NTMT1: variants seen among roughly 807,000 people sequenced by gnomAD.
NTMT1 encodes N-terminal Xaa-Pro-Lys N-methyltransferase 1, also known as N-terminal RCC1 methyltransferase.
Under a neutral mutation model 17.5 loss-of-function variants are expected in NTMT1, and 8 were observed. The ratio of observed to expected loss-of-function variants is 0.46; its 90% CI spans 0.27 to 0.82. The LOEUF (loss-of-function observed/expected upper bound fraction) is 0.82, where lower values mean the gene tolerates loss of function less well. Among genes scored for constraint, NTMT1 ranks in the 40% least tolerant of loss-of-function variants. The pLI is 0.15. For synonymous variants in NTMT1, 128 were observed against 126.8 expected, an observed-to-expected ratio of 1.01 and a Z score of -0.06; for missense variants, 221 against 303.5, an observed-to-expected ratio of 0.73 and a Z score of 2.02.
At chr9:129,624,788 C>T (rs1830841429), upstream of NTMT1, among the ~76,000 whole-genome samples, 1 of 152,182 alleles carries the variant, frequency 6.6e-6, no homozygotes, top group Non-Finnish European at 1.5e-5. Context: ...ACCACCATCC[C>T]TGGCTAATTT....
At chr9:129,612,967 G>A in intron 1 of NTMT1, 3 of 1,087,638 alleles carry the variant, frequency 2.8e-6, no homozygotes, top group Admixed American at 2.4e-5. Flanking sequence ...CGTGGCCACT[G>A]CAAGCCCCCA....
chr9:129,619,760 A>G, intron 1 of NTMT1: 1 of 1,614,058 alleles, frequency 6.2e-7, no homozygotes, highest in Admixed American at 1.7e-5. Flanking sequence ...GGAGGAATGA[A>G]CAGTTGGGAC....
Position 129,613,493 on chromosome 9 carries a change from A to G in NTMT1, c.-55+4315A>G. Reference sequence around the variant, plus strand: ...AGGGTCTCCTCCTTGGCCCCAGGGTACAGGGCTTTGGGCAAACTCTCCAGC... The same window carrying G: ...AGGGTCTCCTCCTTGGCCCCAGGGTGCAGGGCTTTGGGCAAACTCTCCAGC... On this transcript the variant is annotated intron_variant, in intron 1 of 3. Coordinates refer to the NTMT1 transcript ENST00000372486. This position sits in a 1 kb window ranked among gnomAD's most constrained non-coding sequence, Gnocchi z 6.2. 1.2e-6 allele frequency: 2 copies of G among 1,614,152 alleles called. No homozygotes were observed. The highest frequency in any genetic ancestry group is 1.6e-4 in the Middle Eastern group (1 of 6,062).
chr9:129,615,694 C>G (rs1373466114), intron 1 of NTMT1: 3 of 1,484,300 alleles, frequency 2.0e-6, no homozygotes, highest in Non-Finnish European at 2.7e-6. Context: ...CCACCGTACC[C>G]CAGCACACAC....
Position 129,614,397 on chromosome 9 carries a change from C to T in NTMT1, c.-55+5219C>T, listed in dbSNP as rs1372080298. Among the ~76,000 whole-genome samples, 1 of 152,178 alleles carries T rather than the reference C, an allele frequency of 6.6e-6. No individual in the cohort carries two copies. Among genetic ancestry groups the T allele is most frequent in the Admixed American group, 6.5e-5 (1 of 15,278 alleles). ...CGAAGGTCCTAGGTTTGCAGGGCAT[C>T]GCCCACAGCTAGACCTTGAGGCAGA... On this transcript the variant is annotated intron_variant, in intron 1 of 3. Coordinates refer to the NTMT1 transcript ENST00000372486. This position sits in a 1 kb window ranked among gnomAD's most constrained non-coding sequence, Gnocchi z 4.4.
chr9:129,608,929 G>C (rs1830057207), exon 1 of NTMT1: 1 of 152,458 alleles, frequency 6.6e-6, no homozygotes, highest in African/African-American at 2.4e-5. Flanking sequence ...GCCTCCACAG[G>C]ACTGCGCTCA....
Position 129,613,365 on chromosome 9 carries a change from G to A in NTMT1, c.-55+4187G>A, listed in dbSNP as rs1035419607. 1.9e-6 allele frequency: 3 copies of A among 1,588,046 alleles called. No individual in the cohort carries two copies. The African/African-American group carries it at 4.0e-5, about 21-fold the overall frequency. On this transcript the variant is annotated intron_variant, in intron 1 of 3. Coordinates refer to the NTMT1 transcript ENST00000372486. This position sits in a 1 kb window ranked among gnomAD's most constrained non-coding sequence, Gnocchi z 6.2. ...AACCCGCCTGCTGCTGGGTGGGGAG[G>A]TCTGTAGGCAAGGGGGGTGGAGGGC...
At position 129,612,496 on chromosome 9, in the gene NTMT1, C is replaced by T. The variant is rs369925603; in HGVS notation, c.-55+3318C>T. On this transcript the variant is annotated intron_variant, in intron 1 of 3. Coordinates refer to the NTMT1 transcript ENST00000372486. ...GACCAGCTGGCTGCTACCAGGACCT[C>T]GGGGCAGGGGACTGGGCTCCCAGTG... The T allele has an allele frequency of 4.1e-5, 62 of 1,514,680 alleles. 1 individual carries two copies. In the African/African-American group the frequency reaches 6.3e-4, roughly 15 times the overall value. 93.8% of individuals were successfully genotyped at this position (1,514,680 alleles called of 1,614,324 possible).
upstream of NTMT1, among the ~76,000 whole-genome samples, chr9:129,623,954 C>T (rs372777600): frequency 4.2e-3 from 635 of 151,718 alleles, 7 homozygotes; most frequent in African/African-American, 0.014. Context: ...CCACCACGCC[C>T]GGCTAATTTT....
At chr9:129,615,341 T>C (rs1830310389) in intron 1 of NTMT1, 1 of 917,224 alleles carries the variant, frequency 1.1e-6, no homozygotes. Flanking sequence ...AGGAGGCCAG[T>C]TCAGGCACAT....
upstream of NTMT1, among the ~76,000 whole-genome samples, chr9:129,623,823 C>CTTTTTTTTTTT (rs746654555): frequency 2.8e-5 from 3 of 107,832 alleles, no homozygotes; most frequent in South Asian, 2.9e-4. Flanking sequence ...TTTTTCTTTT[C>CTTTTTTTTTTT]TTTTCTTTTT....
At position 129,620,550 on chromosome 9, in the gene NTMT1, C is replaced by A. The variant is rs1247279035; in HGVS notation, c.-55+11372C>A. 1 of 1,399,914 alleles carries A rather than the reference C, an allele frequency of 7.1e-7. No individual in the cohort carries two copies. The highest frequency in any genetic ancestry group is 1.5e-5 in the African/African-American group (1 of 67,470). 86.7% of individuals were successfully genotyped at this position (1,399,914 alleles called of 1,614,324 possible). ...CCCTTGGGCGCCAGGTCCTGGGCCC[C>A]TGGGCGAAGTCGACGCCAGAACATG... On this transcript the variant is annotated intron_variant, in intron 1 of 3. Coordinates refer to the NTMT1 transcript ENST00000372486. This position sits in a 1 kb window ranked among gnomAD's most constrained non-coding sequence, Gnocchi z 5.8.
At position 129,635,590 on chromosome 9, in the gene NTMT1, C is replaced by T. The variant is rs867993043; in HGVS notation, c.*126C>T. 2.1e-5 allele frequency: 25 copies of T among 1,172,342 alleles called. No individual in the cohort carries two copies. The highest frequency in any genetic ancestry group is 4.5e-5 in the South Asian group (3 of 67,384). The allele number at this position is 1,172,342 out of a possible 1,614,324, so 72.6% of individuals were successfully genotyped here. The stretch of plus-strand genomic sequence containing the variant: ...GGCACCACTAAATATAGCTGTCTGC[C>T]GTCCACTCATTATGCGGGCTCTTCT... On this transcript the variant is annotated 3_prime_UTR_variant, in exon 4 of 4. Transcript: ENST00000372483.
intron 1 of NTMT1, chr9:129,612,299 C>T (rs755583228): frequency 2.7e-6 from 4 of 1,507,534 alleles, no homozygotes; most frequent in East Asian, 2.3e-5. Context: ...GAAGGACGCT[C>T]CTCATTGCCT....
rs1297272246 is a variant in NTMT1 at position 129,614,917 on chromosome 9, A to G, written c.-55+5739A>G. Among the ~76,000 whole-genome samples, 2 of 151,630 alleles carry G rather than the reference A, an allele frequency of 1.3e-5. No homozygotes were observed. Among genetic ancestry groups the G allele is most frequent in the Non-Finnish European group, 2.9e-5 (2 of 67,954 alleles). ...ACTCCGTATCAGAAAAAAAAAAAGA[A>G]AAAGAAAACTCACTGGGAACTGCAA... is the stretch of plus-strand genomic sequence containing the variant. On this transcript the variant is annotated intron_variant, in intron 1 of 3. Transcript: ENST00000372486. The surrounding 1 kb of genome is among the most constrained non-coding windows in gnomAD (Gnocchi z 4.4).
At chr9:129,610,184 G>C (rs1157133449) in intron 1 of NTMT1, among the ~76,000 whole-genome samples, 2 of 127,338 alleles carry the variant, frequency 1.6e-5, no homozygotes, top group Non-Finnish European at 3.3e-5. Flanking sequence ...CGAGCCACAG[G>C]GGAGGGGGGA....
intron 1 of NTMT1, among the ~76,000 whole-genome samples, chr9:129,629,791 G>A (rs1249911260): frequency 1.3e-5 from 2 of 152,212 alleles, no homozygotes; most frequent in Non-Finnish European, 2.9e-5. Context: ...GTCAGTCTGC[G>A]AGCGGATTCA....
At position 129,614,856 on chromosome 9, in the gene NTMT1, C is replaced by T. The variant is rs533670498; in HGVS notation, c.-55+5678C>T. On this transcript the variant is annotated intron_variant, in intron 1 of 3. Transcript: ENST00000372486. The surrounding 1 kb of genome is among the most constrained non-coding windows in gnomAD (Gnocchi z 4.4). ...GGTGGAGCTTGCAGCGAGCCGAGAT[C>T]GCGCCACTGCACTCCAGCCTGGGCG... 1.3e-4 allele frequency among the ~76,000 whole-genome samples: 20 copies of T among 151,954 alleles called. No individual in the cohort carries two copies. Among genetic ancestry groups the T allele is most frequent in the African/African-American group, 3.9e-4 (16 of 41,396 alleles).
intron 1 of NTMT1, among the ~76,000 whole-genome samples, chr9:129,617,420 C>G (rs942999929): frequency 3.3e-5 from 5 of 152,222 alleles, no homozygotes; most frequent in African/African-American, 7.2e-5. Flanking sequence ...ATCTCAGCAT[C>G]TTCACTCGAG....
Sources: allele counts gnomAD v4.1 joint callset (sites outside exome capture counted in the v4.1 genomes callset), GRCh38; gene constraint gnomAD v4.1.1; non-coding constraint Gnocchi (gnomAD v3.1); transcripts MANE v1.5; gene names NCBI Gene and HGNC (gene_info 2026-07-23, HGNC 2026-07-21).